The following KCNQ3 variants were observed in gnomAD, a reference collection of about 807,000 sequenced individuals.
KCNQ3 encodes the protein potassium voltage-gated channel subfamily KQT member 3.
In KCNQ3, 30 loss-of-function variants were observed where a neutral mutation model predicts 92.5. That is an observed-to-expected ratio of 0.32 (90% CI 0.24 to 0.44). The LOEUF (loss-of-function observed/expected upper bound fraction) is 0.44, where lower values mean the gene tolerates loss of function less well. Among genes scored for constraint, KCNQ3 ranks in the 20% least tolerant of loss-of-function variants. The pLI is 1.00. For synonymous variants in KCNQ3, 450 were observed against 468.8 expected (o/e 0.96, Z 0.52); for missense variants, 913 against 1,140.3 (o/e 0.80, Z 2.87).
chr8:132,285,169 C>T (rs548123728), intron 1 of KCNQ3, among the ~76,000 whole-genome samples: 96 of 152,120 alleles, frequency 6.3e-4, no homozygotes, highest in African/African-American at 2.2e-3. Context: ...GGTAATGGGT[C>T]GGGGCTGAAC....
intron 1 of KCNQ3, among the ~76,000 whole-genome samples, chr8:132,261,745 T>C (rs996110362): frequency 2.0e-5 from 3 of 152,150 alleles, no homozygotes; most frequent in Admixed American, 2.0e-4. Flanking sequence ...GCGCAAACCC[T>C]GGATGCTGAG....
At chr8:132,435,696 A>C (rs558178673) in intron 1 of KCNQ3, among the ~76,000 whole-genome samples, 1 of 152,042 alleles carries the variant, frequency 6.6e-6, no homozygotes, top group East Asian at 1.9e-4. Flanking sequence ...TCCAAATTAA[A>C]ATTTATATTT....
intron 9 of KCNQ3, among the ~76,000 whole-genome samples, chr8:132,156,633 T>A (rs1825803030): frequency 6.6e-6 from 1 of 152,194 alleles, no homozygotes; most frequent in African/African-American, 2.4e-5. Flanking sequence ...CAAAGTCATG[T>A]ATCCTGGATC....
At chr8:132,466,113 T>A (rs2130862294) in intron 1 of KCNQ3, among the ~76,000 whole-genome samples, 1 of 152,230 alleles carries the variant, frequency 6.6e-6, no homozygotes, top group East Asian at 1.9e-4. Context: ...CAGCATATAG[T>A]AACAGCTTAG....
At chr8:132,215,569 C>T (rs1200267026) in intron 1 of KCNQ3, among the ~76,000 whole-genome samples, 2 of 152,190 alleles carry the variant, frequency 1.3e-5, no homozygotes, top group Non-Finnish European at 2.9e-5. Context: ...CATGCTCTGC[C>T]CCATTTCTCT....
chr8:132,376,977 C>T (rs1303366414), intron 1 of KCNQ3, among the ~76,000 whole-genome samples: 4 of 152,208 alleles, frequency 2.6e-5, no homozygotes, highest in South Asian at 2.1e-4. Context: ...AAGGACACAA[C>T]GAAGGAGAGA....
intron 1 of KCNQ3, among the ~76,000 whole-genome samples, chr8:132,440,978 G>C (rs12544635): frequency 2.0e-5 from 3 of 152,170 alleles, no homozygotes; most frequent in African/African-American, 7.2e-5. Flanking sequence ...CCAGATATCC[G>C]ACCTGCACTT....
At chr8:132,194,478 G>A (rs1411927547) in intron 1 of KCNQ3, among the ~76,000 whole-genome samples, 3 of 152,038 alleles carry the variant, frequency 2.0e-5, no homozygotes. Flanking sequence ...CTAAGAACAG[G>A]GTTGACAAAT....
intron 1 of KCNQ3, among the ~76,000 whole-genome samples, chr8:132,389,269 CA>C (rs1338604268): frequency 2.6e-5 from 4 of 152,098 alleles, no homozygotes; most frequent in African/African-American, 9.7e-5. Flanking sequence ...CCAGCCTAGC[CA>C]ACATGGTGAA....
At chr8:132,457,404 T>C (rs16904688) in intron 1 of KCNQ3, among the ~76,000 whole-genome samples, 26,956 of 152,150 alleles carry the variant, frequency 0.18, 3,028 homozygotes, top group East Asian at 0.37. Context: ...TCCAGCTTCA[T>C]CTCTTGTTTC....
intron 13 of KCNQ3, 119 bp from the exon 14 acceptor site, chr8:132,132,383 C>T (rs1490499693): frequency 1.4e-5 from 11 of 775,830 alleles, no homozygotes; most frequent in Non-Finnish European, 1.1e-5. Flanking sequence ...ACTTGTGTGG[C>T]ATAAAAGAGC....
intron 1 of KCNQ3, among the ~76,000 whole-genome samples, chr8:132,375,115 G>A (rs1586967037): frequency 6.6e-6 from 1 of 152,088 alleles, no homozygotes; most frequent in East Asian, 1.9e-4. Flanking sequence ...CTTGAATCTA[G>A]TGTTTTTTTC....
At chr8:132,365,770 CT>C (rs1295508290) in intron 1 of KCNQ3, among the ~76,000 whole-genome samples, 2 of 152,172 alleles carry the variant, frequency 1.3e-5, no homozygotes, top group Non-Finnish European at 1.5e-5. Context: ...TGGCTCACAC[CT>C]GTAATCCTAG....
At chr8:132,455,947 G>A (rs545040770) in intron 1 of KCNQ3, among the ~76,000 whole-genome samples, 7 of 151,886 alleles carry the variant, frequency 4.6e-5, no homozygotes, top group Admixed American at 3.3e-4. Flanking sequence ...GGGTTTCACC[G>A]TGTTAGCCAG....
chr8:132,386,121 T>TA (rs1450995582), intron 1 of KCNQ3, among the ~76,000 whole-genome samples: 1 of 152,096 alleles, frequency 6.6e-6, no homozygotes, highest in Non-Finnish European at 1.5e-5. Context: ...TACACGTTCC[T>TA]AAAAAAGCAT....
intron 9 of KCNQ3, among the ~76,000 whole-genome samples, chr8:132,152,766 C>T (rs763686828): frequency 5.9e-5 from 9 of 152,154 alleles, no homozygotes; most frequent in Admixed American, 4.6e-4. Flanking sequence ...GAGAGGATCA[C>T]CCAACTCACA....
intron 1 of KCNQ3, among the ~76,000 whole-genome samples, chr8:132,386,031 G>A (rs1318807550): frequency 1.3e-5 from 2 of 151,912 alleles, no homozygotes; most frequent in Middle Eastern, 3.2e-3. Context: ...AAGGGCCCTG[G>A]GATGGGGGGA....
At chr8:132,268,619 TC>T in intron 1 of KCNQ3, among the ~76,000 whole-genome samples, 1 of 152,348 alleles carries the variant, frequency 6.6e-6, no homozygotes, top group Admixed American at 6.5e-5. Context: ...CGTTTATTTA[TC>T]CACTCATCTA....
At chr8:132,284,192 A>C (rs992540575) in intron 1 of KCNQ3, among the ~76,000 whole-genome samples, 4 of 152,206 alleles carry the variant, frequency 2.6e-5, no homozygotes, top group Non-Finnish European at 5.9e-5. Flanking sequence ...ATAAAAAAAA[A>C]TAATAGGGCT....
Sources: allele counts gnomAD v4.1 joint callset (sites outside exome capture counted in the v4.1 genomes callset), GRCh38; gene constraint gnomAD v4.1.1; transcripts MANE v1.5; gene names NCBI Gene and HGNC (gene_info 2026-07-23, HGNC 2026-07-21).